The following MAN1A1 variants were observed in gnomAD, a reference collection of about 807,000 sequenced individuals.
MAN1A1 encodes the protein mannosyl-oligosaccharide 1,2-alpha-mannosidase IA.
A neutral mutation model predicts 70.8 loss-of-function variants in MAN1A1; 29 were observed. The observed-to-expected ratio is 0.41, with a 90% CI of 0.31 to 0.56. The LOEUF is 0.56. MAN1A1 is among the 20% of genes least tolerant of loss of function. The pLI is 0.29. For missense variants in MAN1A1, 747 were observed against 841.3 expected (o/e 0.89, Z 1.39); for synonymous variants, 349 against 330.1 (o/e 1.06, Z -0.62).
chr6:119,292,350 A>G (rs150446342), intron 4 of MAN1A1, among the ~76,000 whole-genome samples: 2 of 152,138 alleles, frequency 1.3e-5, no homozygotes, highest in East Asian at 1.9e-4. Flanking sequence ...AATTTATAAT[A>G]TATGGAGTCA....
intron 2 of MAN1A1, among the ~76,000 whole-genome samples, chr6:119,319,685 C>G (rs195053): frequency 0.19 from 28,191 of 151,984 alleles, 2,927 homozygotes; most frequent in Middle Eastern, 0.31. Context: ...TATATTAGAC[C>G]TACTGCAGAT....
chr6:119,196,603 G>T (rs1015637097), intron 8 of MAN1A1, among the ~76,000 whole-genome samples: 1 of 152,158 alleles, frequency 6.6e-6, no homozygotes, highest in Non-Finnish European at 1.5e-5. Context: ...TTCTCTGAAG[G>T]AGTAATTTAT....
At chr6:119,277,987 A>T (rs982214013) in intron 5 of MAN1A1, among the ~76,000 whole-genome samples, 9 of 139,272 alleles carry the variant, frequency 6.5e-5, no homozygotes, top group African/African-American at 2.1e-4. Context: ...ATAAATAAAT[A>T]AAAAAAAAGT....
intron 2 of MAN1A1, among the ~76,000 whole-genome samples, chr6:119,340,608 C>T (rs901422467): frequency 5.3e-5 from 8 of 152,170 alleles, no homozygotes; most frequent in Non-Finnish European, 1.2e-4. Flanking sequence ...ACTCCTAGCA[C>T]AGACAAACAG....
At chr6:119,258,612 C>A (rs1429491714) in intron 5 of MAN1A1, among the ~76,000 whole-genome samples, 4 of 152,086 alleles carry the variant, frequency 2.6e-5, no homozygotes, top group Admixed American at 6.5e-5. Flanking sequence ...CCACAGATAC[C>A]TAGGCATGAC....
intron 5 of MAN1A1, among the ~76,000 whole-genome samples, chr6:119,276,307 TA>T (rs140755617): frequency 0.028 from 4,255 of 152,334 alleles, 93 homozygotes; most frequent in Non-Finnish European, 0.045. Context: ...TGAACTTGTT[TA>T]ACATTTTACC....
chr6:119,299,482 A>G (rs1772323779), intron 4 of MAN1A1, among the ~76,000 whole-genome samples: 1 of 152,160 alleles, frequency 6.6e-6, no homozygotes, highest in Non-Finnish European at 1.5e-5. Context: ...ACAGTTGTAT[A>G]TATTTTAAAA....
chr6:119,255,711 C>G (rs1775438860), intron 5 of MAN1A1, among the ~76,000 whole-genome samples: 1 of 152,188 alleles, frequency 6.6e-6, no homozygotes, highest in Admixed American at 6.5e-5. Flanking sequence ...GCCAGCTACA[C>G]CCAAGTGAAT....
intron 5 of MAN1A1, among the ~76,000 whole-genome samples, chr6:119,262,457 TA>T (rs11361247): frequency 0.039 from 5,737 of 145,896 alleles, 295 homozygotes; most frequent in African/African-American, 0.12. Context: ...TTATAAAAAG[TA>T]AAAAAAAAAA....
chr6:119,277,580 G>C (rs1485789341), intron 5 of MAN1A1, among the ~76,000 whole-genome samples: 1 of 152,098 alleles, frequency 6.6e-6, no homozygotes, highest in African/African-American at 2.4e-5. Context: ...CTAGCACTTT[G>C]GGAGGTAGAG....
intron 2 of MAN1A1, among the ~76,000 whole-genome samples, chr6:119,325,849 C>A (rs1244157381): frequency 6.6e-6 from 1 of 152,204 alleles, no homozygotes; most frequent in Non-Finnish European, 1.5e-5. Context: ...AGCATGTTTG[C>A]TTGCCTTCTC....
intron 4 of MAN1A1, among the ~76,000 whole-genome samples, chr6:119,292,911 A>G (rs1772085372): frequency 6.6e-6 from 1 of 152,120 alleles, no homozygotes; most frequent in South Asian, 2.1e-4. Context: ...AAGCTAACCC[A>G]TGTATTTAGT....
intron 5 of MAN1A1, among the ~76,000 whole-genome samples, chr6:119,283,386 T>C (rs1272113657): frequency 6.6e-6 from 1 of 152,210 alleles, no homozygotes; most frequent in Non-Finnish European, 1.5e-5. Flanking sequence ...TGTTTTCTAG[T>C]GCCAGGCATA....
intron 11 of MAN1A1, among the ~76,000 whole-genome samples, chr6:119,186,565 A>G (rs956094282): frequency 6.6e-6 from 1 of 152,200 alleles, no homozygotes; most frequent in Non-Finnish European, 1.5e-5. Flanking sequence ...ACAGTTATCC[A>G]CCAACTCCAA....
intron 11 of MAN1A1, among the ~76,000 whole-genome samples, chr6:119,185,713 A>G (rs1396179603): frequency 6.6e-6 from 1 of 151,870 alleles, no homozygotes; most frequent in Non-Finnish European, 1.5e-5. Context: ...AGTAGCTGGG[A>G]CTACAGGCGC....
At chr6:119,192,962 CCTTA>C (rs1165885126) in intron 9 of MAN1A1, among the ~76,000 whole-genome samples, 2 of 152,120 alleles carry the variant, frequency 1.3e-5, no homozygotes, top group Admixed American at 1.3e-4. Flanking sequence ...TTCTAACTTA[CCTTA>C]CTAACTTACT....
At chr6:119,207,130 T>C (rs1479930197) in intron 6 of MAN1A1, among the ~76,000 whole-genome samples, 1 of 152,196 alleles carries the variant, frequency 6.6e-6, no homozygotes, top group Non-Finnish European at 1.5e-5. Context: ...GGAAAAGCAT[T>C]CAATACGTTT....
intron 5 of MAN1A1, among the ~76,000 whole-genome samples, chr6:119,276,498 A>G (rs1776070570): frequency 6.6e-6 from 1 of 152,342 alleles, no homozygotes. Flanking sequence ...GATGATAGAG[A>G]GAAGTCTACT....
At chr6:119,216,283 G>A (rs961971115) in intron 6 of MAN1A1, among the ~76,000 whole-genome samples, 2 of 152,204 alleles carry the variant, frequency 1.3e-5, no homozygotes, top group African/African-American at 4.8e-5. Flanking sequence ...ATAAAAGGAG[G>A]AGTGTAGGCA....
Sources: gnomAD v4.1 joint callset for allele counts (sites outside exome capture counted in the v4.1 genomes callset) on GRCh38, gnomAD v4.1.1 for gene constraint, MANE v1.5 for transcripts, NCBI Gene and HGNC (gene_info 2026-07-23, HGNC 2026-07-21) for gene names.